MAST2: variants seen among roughly 807,000 people sequenced by gnomAD.
MAST2 encodes the protein microtubule associated serine/threonine kinase 2.
A neutral mutation model predicts 147.4 loss-of-function variants in MAST2; 70 were observed. The observed-to-expected ratio is 0.47, with a 90% confidence interval of 0.39 to 0.58. The LOEUF (loss-of-function observed/expected upper bound fraction) is 0.58. Among genes scored for constraint, MAST2 ranks in the 20% least tolerant of loss-of-function variants. The pLI is 0.00. For synonymous variants in MAST2, 869 were observed against 896.8 expected (o/e 0.97, Z 0.55); for missense variants, 2,080 against 2,302.3 (o/e 0.90, Z 1.98).
Position 46,022,956 on chromosome 1 carries a change from AGAT to A in MAST2, c.1474_1476del (p.Asp492del). 6.2e-7 allele frequency: 1 copy of A among 1,614,180 alleles called. No individual in the cohort carries two copies. The highest frequency in any genetic ancestry group is 1.3e-5 in the African/African-American group (1 of 75,058). ...GTGACAGTCCTGACACTCCAGAGACAGATGATTCTATTGAGGTAAAAACCCTGA... is the reference window on the plus strand; with the variant it reads ...GTGACAGTCCTGACACTCCAGAGACAGATTCTATTGAGGTAAAAACCCTGA... On this transcript the variant is annotated inframe_deletion, in exon 13 of 29. Transcript: ENST00000361297.
intron 7 of MAST2, 66 bp from the exon 8 acceptor site, chr1:46,006,175 C>T: frequency 2.0e-6 from 3 of 1,477,434 alleles, no homozygotes; most frequent in Non-Finnish European, 2.7e-6. Flanking sequence ...ATTTTCAGTC[C>T]TTCCCCATTC....
intron 5 of MAST2, among the ~76,000 whole-genome samples, chr1:45,994,873 T>G (rs1397895229): frequency 1.3e-5 from 2 of 151,604 alleles, no homozygotes; most frequent in Admixed American, 6.6e-5. Context: ...GAGTCTCGCT[T>G]TGTCACCCAG....
At position 46,022,060 on chromosome 1, in the gene MAST2, C is replaced by G. The variant is rs1646208034; in HGVS notation, c.1401C>G (p.Gly467=). ...DIPRYIVSQL[G]LTRDPLEEMA... ...CCCGCTACATCGTTAGCCAGCTGGG[C>G]CTCACCCGGGATCCCCTAGAAGGTG... The change falls in exon 12 of 29, where the codon GGC becomes GGG. Residue 467 remains glycine, a synonymous_variant. Transcript: ENST00000361297. 4.3e-6 allele frequency: 7 copies of G among 1,614,042 alleles called. No homozygotes were observed. In the African/African-American group the frequency reaches 5.3e-5, roughly 12 times the overall value.
rs1436479094 is a variant in MAST2, at chr1:46,021,947, C to T, written c.1291-3C>T. 4.3e-6 allele frequency: 7 copies of T among 1,613,992 alleles called. No individual in the cohort carries two copies. In the African/African-American group the frequency reaches 9.3e-5, roughly 22 times the overall value. On this transcript the variant is annotated splice_region_variant and splice_polypyrimidine_tract_variant and intron_variant, in intron 11 of 28. Coordinates refer to ENST00000361297, the MANE Select transcript of MAST2 (RefSeq NM_015112.3). ...CACTGACTATCTCTCTCCCTTGGTA[C>T]AGGAGTTTGACCCTGAAGAGTTCTA...
rs1646585643 is a variant in MAST2 at position 46,030,155 on chromosome 1, G to A, written c.2470G>A (p.Asp824Asn). Residue 824 changes from aspartate (D) to asparagine (N), a missense_variant, in exon 21 of 29, where the codon GAC (aspartate) becomes AAC (asparagine). By Grantham distance (23) the Asp-to-Asn change is conservative (BLOSUM62 1). Transcript: ENST00000361297. ...CCGCTCAGAGCGATACCACCACATG[G>A]ACTCGGAGGATGAGGAAGAAGTGAG... Reference protein sequence around the residue: ...DTRSERYHHMDSEDEEEVSED... With the variant: ...DTRSERYHHMNSEDEEEVSED... 2 of 1,614,110 alleles carry A rather than the reference G, an allele frequency of 1.2e-6. No individual in the cohort carries two copies. Among genetic ancestry groups the A allele is most frequent in the Non-Finnish European group, 1.7e-6 (2 of 1,180,050 alleles).
rs141615693 is a variant in MAST2, at chr1:45,807,698, C to T, written c.177+3626C>T. Among the ~76,000 whole-genome samples the T allele has an allele frequency of 1.6e-4, 24 of 152,144 alleles. No homozygotes were observed. The East Asian group carries it at 3.5e-3, about 22-fold the overall frequency. ...CTGGGATTGCAGGCGTCCGCCACCA[C>T]GCCTGGCTAATTTTTGTATTTTTAG... On this transcript the variant is annotated intron_variant, in intron 1 of 28. Transcript: ENST00000361297.
At chr1:45,900,446 ATTTTTTTTTTTTTTTTTT>A (rs908880746) in intron 4 of MAST2, among the ~76,000 whole-genome samples, 1 of 9,950 alleles carries the variant, frequency 1.0e-4, no homozygotes, top group Admixed American at 2.3e-3. Context: ...GATGTTGGAT[ATTTTTTTTTTTTTTTTTT>A]TTTTTTTTTT....
intron 3 of MAST2, 77 bp downstream of exon 3, chr1:45,829,658 T>C: frequency 7.1e-7 from 1 of 1,414,482 alleles, no homozygotes; most frequent in South Asian, 1.4e-5. Context: ...ATCTATTCTT[T>C]TTCCTTTTTA....
rs1646619663 is a variant in MAST2 at position 46,030,677 on chromosome 1, T to C, written c.2624T>C (p.Leu875Pro). ...RRTPPPTKRS[L>P]SEEKEDHSDG... ...ACACCACCCCCGACCAAGCGCAGCC[T>C]GAGTGAGGAGAAGGAGGACCATTCA... is the stretch of plus-strand genomic sequence containing the variant. The change falls in exon 22 of 29, where the codon CTG becomes CCG. Residue 875 changes from leucine (L) to proline (P), a missense_variant. This residue lies in a region of MAST2 where 1,278 missense variants were observed against 1,304.2 expected (regional missense o/e 0.98). Transcript: ENST00000361297. The C allele has an allele frequency of 6.2e-7, 1 of 1,610,458 alleles. No homozygotes were observed. The highest frequency in any genetic ancestry group is 1.1e-5 in the South Asian group (1 of 90,336).
chr1:45,948,159 C>A (rs2148842745), intron 4 of MAST2, among the ~76,000 whole-genome samples: 1 of 152,154 alleles, frequency 6.6e-6, no homozygotes, highest in South Asian at 2.1e-4. Flanking sequence ...TTTACAATTG[C>A]CACAAAAAGA....
chr1:45,806,440 C>G (rs1397944861), intron 1 of MAST2, among the ~76,000 whole-genome samples: 1 of 152,188 alleles, frequency 6.6e-6, no homozygotes, highest in African/African-American at 2.4e-5. Flanking sequence ...CACTCTGTCA[C>G]CCACGCTGGA....
chr1:45,996,810 A>G (rs1322097523), intron 5 of MAST2, among the ~76,000 whole-genome samples: 6 of 152,248 alleles, frequency 3.9e-5, no homozygotes, highest in South Asian at 2.1e-4. Flanking sequence ...AACTTGGAAC[A>G]TCCATACACT....
At chr1:45,940,804 A>T in intron 4 of MAST2, among the ~76,000 whole-genome samples, 1 of 152,078 alleles carries the variant, frequency 6.6e-6, no homozygotes, top group East Asian at 1.9e-4. Flanking sequence ...GTATTTTAGT[A>T]GAGATGGGGT....
chr1:46,029,216 C>T (rs1273883819), intron 18 of MAST2: 26 of 545,292 alleles, frequency 4.8e-5, no homozygotes, highest in East Asian at 2.6e-4. Flanking sequence ...GTGAGGGGTA[C>T]GTCTGTGTAT....
At chr1:46,013,042 T>TATA (rs1292800551) in intron 10 of MAST2, among the ~76,000 whole-genome samples, 1 of 151,978 alleles carries the variant, frequency 6.6e-6, no homozygotes, top group Non-Finnish European at 1.5e-5. Flanking sequence ...GCAGTGGGTA[T>TATA]CATCCAATGT....
intron 17 of MAST2, 22 bp downstream of exon 17, chr1:46,027,885 A>C: frequency 6.2e-7 from 1 of 1,613,074 alleles, no homozygotes; most frequent in East Asian, 2.2e-5. Context: ...TAGTTGATAC[A>C]CTGGGGGTTA....
At chr1:45,984,414 C>T (rs1439444578) in intron 5 of MAST2, among the ~76,000 whole-genome samples, 3 of 151,786 alleles carry the variant, frequency 2.0e-5, no homozygotes, top group African/African-American at 7.3e-5. Context: ...AGTGATCTTC[C>T]ACCTCAGCCT....
chr1:45,959,557 G>A (rs1660112595), intron 5 of MAST2, 80 bp downstream of exon 5: 1 of 1,169,008 alleles, frequency 8.6e-7, no homozygotes, highest in Admixed American at 2.0e-5. Flanking sequence ...CTCATGTTGT[G>A]CAGTTCCGTA....
rs1646819480 is a variant in MAST2, at chr1:46,034,535, A to G, written c.3869-3A>G. 1.2e-5 allele frequency: 20 copies of G among 1,611,936 alleles called. No individual in the cohort carries two copies. The highest frequency in any genetic ancestry group is 1.7e-5 in the Non-Finnish European group (20 of 1,178,926). ...CTGTCTGTCTGTCTGTCTCTGTACA[A>G]AGTGGGAGGGAATTCATCACAGAGC... is the stretch of plus-strand genomic sequence containing the variant. On this transcript the variant is annotated splice_region_variant and splice_polypyrimidine_tract_variant and intron_variant, in intron 28 of 28. Coordinates refer to ENST00000361297, the MANE Select transcript of MAST2 (RefSeq NM_015112.3).
Sources: gnomAD v4.1 joint callset for allele counts (sites outside exome capture counted in the v4.1 genomes callset) on GRCh38, gnomAD v4.1.1 for gene constraint, gnomAD v4.1.1 regional missense constraint, MANE v1.5 for transcripts, NCBI Gene and HGNC (gene_info 2026-07-23, HGNC 2026-07-21) for gene names.